UEVLD: variants seen among roughly 807,000 people sequenced by gnomAD.
The protein encoded by UEVLD is UEV and lactate/malate dehyrogenase domains, also known as ubiquitin-conjugating enzyme E2 variant 3.
UEVLD carries 47 observed loss-of-function variants against 58.6 expected under a neutral mutation model. The observed-to-expected ratio is 0.80, with a 90% confidence interval of 0.63 to 1.02. The LOEUF is 1.02. UEVLD is among the 50% of genes least tolerant of loss of function. UEVLD has a pLI of 0.00. For missense variants in UEVLD, 510 were observed against 550.6 expected, an observed-to-expected ratio of 0.93 and a Z score of 0.74; for synonymous variants, 197 against 195.3, an observed-to-expected ratio of 1.01 and a Z score of -0.07.
At chr11:18,564,839 C>T in intron 6 of UEVLD, 53 bp downstream of exon 6, 1 of 1,356,928 alleles carries the variant, frequency 7.4e-7, no homozygotes, top group Non-Finnish European at 1.0e-6. Flanking sequence ...ACACAACCTG[C>T]CTAGAAGTGT....
intron 7 of UEVLD, among the ~76,000 whole-genome samples, chr11:18,549,639 G>A (rs181188610): frequency 0.027 from 4,137 of 151,910 alleles, 54 homozygotes; most frequent in Middle Eastern, 0.038. Flanking sequence ...GGCTGGTCTC[G>A]AACTCCTGAC....
At chr11:18,537,247 T>C (rs1393946312) in intron 9 of UEVLD, among the ~76,000 whole-genome samples, 1 of 151,176 alleles carries the variant, frequency 6.6e-6, no homozygotes, top group Non-Finnish European at 1.5e-5. Context: ...CATTTCCTTT[T>C]ACTACATCAT....
At chr11:18,586,795 A>T (rs1437634317) in intron 1 of UEVLD, among the ~76,000 whole-genome samples, 1 of 152,194 alleles carries the variant, frequency 6.6e-6, no homozygotes, top group Non-Finnish European at 1.5e-5. Context: ...TCCTTAATTT[A>T]TACAGCCAAC....
At chr11:18,584,213 C>G (rs1166839602) in intron 1 of UEVLD, among the ~76,000 whole-genome samples, 1 of 152,042 alleles carries the variant, frequency 6.6e-6, no homozygotes, top group Non-Finnish European at 1.5e-5. Flanking sequence ...GACACTGTCT[C>G]TACAAAAATA....
At chr11:18,568,472 A>G (rs1405829812) in intron 4 of UEVLD, among the ~76,000 whole-genome samples, 1 of 152,204 alleles carries the variant, frequency 6.6e-6, no homozygotes, top group African/African-American at 2.4e-5. Context: ...TGATAAGTAA[A>G]TGAAAATGAT....
intron 1 of UEVLD, 23 bp downstream of exon 1, chr11:18,588,590 C>G: frequency 6.2e-7 from 1 of 1,609,000 alleles, no homozygotes. Flanking sequence ...AGGACCCAAA[C>G]TGGCCCAGCG....
intron 6 of UEVLD, among the ~76,000 whole-genome samples, chr11:18,559,801 G>A (rs916087568): frequency 6.6e-6 from 1 of 152,084 alleles, no homozygotes; most frequent in African/African-American, 2.4e-5. Context: ...ACAGTGGGCT[G>A]ACTGTAAATA....
intron 3 of UEVLD, among the ~76,000 whole-genome samples, chr11:18,572,003 A>G (rs1162061761): frequency 6.6e-6 from 1 of 151,856 alleles, no homozygotes; most frequent in Non-Finnish European, 1.5e-5. Context: ...TTGGGAGGCC[A>G]AGGCGGACAG....
chr11:18,560,138 C>CACACACACAG (rs368897951), intron 6 of UEVLD, among the ~76,000 whole-genome samples: 2,014 of 74,368 alleles, frequency 0.027, 131 homozygotes, highest in Non-Finnish European at 0.031. Flanking sequence ...CACACACACA[C>CACACACACAG]AGAGAGAGAA....
chr11:18,584,506 A>G (rs1394682680), intron 1 of UEVLD, among the ~76,000 whole-genome samples: 1 of 152,252 alleles, frequency 6.6e-6, no homozygotes, highest in Non-Finnish European at 1.5e-5. Context: ...ATCTACACAT[A>G]CATTGTCCAA....
intron 2 of UEVLD, 74 bp downstream of exon 2, chr11:18,578,650 T>G (rs761731048): frequency 9.8e-7 from 1 of 1,022,150 alleles, no homozygotes; most frequent in Non-Finnish European, 1.5e-6. Flanking sequence ...GAAATTACAA[T>G]TTTGCAGCTC....
chr11:18,584,803 T>C (rs1374454445), intron 1 of UEVLD, among the ~76,000 whole-genome samples: 1 of 152,086 alleles, frequency 6.6e-6, no homozygotes, highest in Non-Finnish European at 1.5e-5. Context: ...CGGCTAATTT[T>C]TGTATTTTTA....
intron 9 of UEVLD, among the ~76,000 whole-genome samples, chr11:18,542,117 CAT>C (rs1367540012): frequency 6.6e-6 from 1 of 152,026 alleles, no homozygotes; most frequent in African/African-American, 2.4e-5. Context: ...AAAATAATAA[CAT>C]GTTTTAGGAA....
intron 10 of UEVLD, among the ~76,000 whole-genome samples, chr11:18,534,841 TAAG>T (rs748212784): frequency 3.5e-4 from 54 of 152,374 alleles, no homozygotes; most frequent in African/African-American, 1.3e-3. Context: ...TCTAACCTTT[TAAG>T]AAGAAGATTT....
intron 7 of UEVLD, among the ~76,000 whole-genome samples, chr11:18,551,683 C>T (rs1225897394): frequency 2.0e-5 from 3 of 152,136 alleles, no homozygotes; most frequent in Admixed American, 6.6e-5. Context: ...TCCTCCCATG[C>T]CAAGAACTCA....
intron 1 of UEVLD, among the ~76,000 whole-genome samples, chr11:18,586,133 T>A (rs762482996): frequency 2.6e-5 from 4 of 152,260 alleles, no homozygotes; most frequent in Non-Finnish European, 5.9e-5. Flanking sequence ...CATAGTTGCT[T>A]AATTTTTTAA....
At chr11:18,554,699 C>T (rs1051360249) in intron 7 of UEVLD, among the ~76,000 whole-genome samples, 13 of 151,996 alleles carry the variant, frequency 8.6e-5, no homozygotes, top group African/African-American at 3.1e-4. Flanking sequence ...TGCCCAACAT[C>T]TTAACAGTTT....
At chr11:18,583,592 C>T (rs1853374950) in intron 1 of UEVLD, among the ~76,000 whole-genome samples, 1 of 149,026 alleles carries the variant, frequency 6.7e-6, no homozygotes, top group Admixed American at 6.7e-5. Context: ...AATAATAATA[C>T]TTTGTAGTAT....
At chr11:18,547,106 A>C in intron 7 of UEVLD, 56 bp from the exon 8 acceptor site, 1 of 1,544,410 alleles carries the variant, frequency 6.5e-7, no homozygotes, top group Admixed American at 2.1e-5. Flanking sequence ...ATCAAGTTCT[A>C]GTTCACGATT....
Sources: allele counts gnomAD v4.1 joint callset (sites outside exome capture counted in the v4.1 genomes callset), GRCh38; gene constraint gnomAD v4.1.1; transcripts MANE v1.5; gene names NCBI Gene and HGNC (gene_info 2026-07-23, HGNC 2026-07-21).